The following ARHGEF7 variants were observed in gnomAD, a reference collection of about 807,000 sequenced individuals.
ARHGEF7 encodes PAK-interacting exchange factor beta.
A neutral mutation model predicts 109.8 loss-of-function variants in ARHGEF7; 33 were observed. That is an observed-to-expected ratio of 0.30 (90% CI 0.23 to 0.40). The LOEUF (loss-of-function observed/expected upper bound fraction) is 0.40. ARHGEF7 is among the 10% of genes least tolerant of loss of function. The pLI, the probability that ARHGEF7 is intolerant of heterozygous loss-of-function variation, is 1.00. For synonymous variants in ARHGEF7, 458 were observed against 424.6 expected, an observed-to-expected ratio of 1.08 and a Z score of -0.97; for missense variants, 938 against 1,098.5, an observed-to-expected ratio of 0.85 and a Z score of 2.07.
intron 6 of ARHGEF7, among the ~76,000 whole-genome samples, chr13:111,235,425 G>A (rs1043839079): frequency 6.6e-6 from 1 of 152,118 alleles, no homozygotes; most frequent in South Asian, 2.1e-4. Context: ...AATAGCCTGG[G>A]TATTATAAGT....
rs1209231762 is a variant in ARHGEF7 at position 111,115,553 on chromosome 13, G to A, written c.27G>A (p.Thr9=). The change falls in exon 1 of 22, where the codon ACG becomes ACA. Residue 9 remains threonine (T), a synonymous_variant. Transcript: ENST00000646102. MNSAEQTV[T]WLITLGVLES... is the part of the protein sequence containing the mutation. ...TGAATTCCGCCGAGCAAACCGTTAC[G>A]TGGCTCATCACTCTGGGGGTGCTGG... 2 of 1,402,974 alleles carry A rather than the reference G, an allele frequency of 1.4e-6. No individual in the cohort carries two copies. Among genetic ancestry groups the A allele is most frequent in the African/African-American group, 1.5e-5 (1 of 66,286 alleles). 86.9% of individuals were successfully genotyped at this position (1,402,974 alleles called of 1,614,324 possible). A position where few individuals can be genotyped will look rare whatever the true frequency, so the allele number is the denominator to read the frequency against.
At chr13:111,182,643 C>G (rs1014288715) in intron 2 of ARHGEF7, 19 of 152,274 alleles carry the variant, frequency 1.2e-4, no homozygotes, top group African/African-American at 4.6e-4. Context: ...CTCCCACCTT[C>G]CATCTCAGCG....
At chr13:111,295,158 G>T (rs1595608941) in intron 19 of ARHGEF7, 1 of 985,716 alleles carries the variant, frequency 1.0e-6, no homozygotes, top group African/African-American at 1.7e-5. Context: ...AAAAAAACCT[G>T]TTATGTACAG....
intron 1 of ARHGEF7, among the ~76,000 whole-genome samples, chr13:111,152,314 C>T (rs2075933832): frequency 6.6e-6 from 1 of 152,056 alleles, no homozygotes; most frequent in Non-Finnish European, 1.5e-5. Context: ...ATCAGAATGT[C>T]AGAAATTACA....
In ARHGEF7 at chr13:111,217,895, C is replaced by G. The variant is rs370423370; in HGVS notation, c.670+15C>G. 53 of 1,599,266 alleles carry G rather than the reference C, an allele frequency of 3.3e-5. No individual in the cohort carries two copies. Among genetic ancestry groups the G allele is most frequent in the Non-Finnish European group, 4.4e-5 (51 of 1,169,950 alleles). On this transcript the variant is annotated intron_variant, in intron 5 of 21. Transcript: ENST00000646102. ...CAAGGCCAGCGGTAAGTGGCCGAGCCTGGGCTGTGTGTGGCTTTTTGCGAT... is the reference window on the plus strand; with the variant it reads ...CAAGGCCAGCGGTAAGTGGCCGAGCGTGGGCTGTGTGTGGCTTTTTGCGAT...
chr13:111,222,236 T>C (rs919160962), intron 5 of ARHGEF7, among the ~76,000 whole-genome samples: 5 of 152,162 alleles, frequency 3.3e-5, no homozygotes, highest in African/African-American at 1.2e-4. Context: ...TAAGTAACTT[T>C]GGAAAATTTC....
At chr13:111,178,551 G>A (rs1331495163) in intron 2 of ARHGEF7, among the ~76,000 whole-genome samples, 2 of 152,210 alleles carry the variant, frequency 1.3e-5, no homozygotes, top group Admixed American at 1.3e-4. Flanking sequence ...GGGATTCTGA[G>A]TATGCGAGTG....
At chr13:111,123,356 A>T (rs992927946) in intron 1 of ARHGEF7, among the ~76,000 whole-genome samples, 2 of 152,158 alleles carry the variant, frequency 1.3e-5, no homozygotes, top group Non-Finnish European at 2.9e-5. Flanking sequence ...TCAAACATTG[A>T]AGAGAGCCCA....
At chr13:111,195,685 T>C (rs1338933578) in intron 2 of ARHGEF7, among the ~76,000 whole-genome samples, 1 of 152,172 alleles carries the variant, frequency 6.6e-6, no homozygotes, top group Non-Finnish European at 1.5e-5. Flanking sequence ...TCTGGGGCAG[T>C]GCGCCTTCCA....
chr13:111,275,538 T>C lies in ARHGEF7; in HGVS notation c.1279T>C (p.Cys427Arg). Residue 427 changes from cysteine (C) to arginine (R), a missense_variant, in exon 12 of 22, where the codon TGT (cysteine) becomes CGT (arginine). Transcript: ENST00000646102. The part of the protein sequence containing the change: ...MAAFKNLSAQ[C>R]QEVRKRKELE... ...GTTGTTCTGTGTCTGTCAGGCCCAA[T>C]GTCAAGAAGTCCGGAAGAGGAAAGA... The C allele has an allele frequency of 6.2e-7, 1 of 1,613,846 alleles. No individual in the cohort carries two copies. Among genetic ancestry groups the C allele is most frequent in the Admixed American group, 1.7e-5 (1 of 60,018 alleles).
At chr13:111,292,904 C>T (rs545645225) in intron 19 of ARHGEF7, 40 of 987,406 alleles carry the variant, frequency 4.1e-5, no homozygotes, top group Non-Finnish European at 4.6e-5. Flanking sequence ...GGTGCACAGA[C>T]GGGCGGGCGT....
chr13:111,262,759 C>G (rs879353144), intron 8 of ARHGEF7, among the ~76,000 whole-genome samples: 13 of 152,244 alleles, frequency 8.5e-5, no homozygotes, highest in Non-Finnish European at 1.3e-4. Flanking sequence ...TACCCCCTTT[C>G]ACCTTGTGCT....
In ARHGEF7 at chr13:111,140,168, T is replaced by C. The variant is rs113562580; in HGVS notation, c.166-13737T>C. Among the ~76,000 whole-genome samples, 668 of 152,292 alleles carry C rather than the reference T, an allele frequency of 4.4e-3. 8 individuals carry two copies. Among genetic ancestry groups the C allele is most frequent in the African/African-American group, 0.015 (625 of 41,564 alleles). Reference sequence around the variant, plus strand: ...TTCGTTCATTAATTCACAAATAATATACCAAGTGCCTGTCTGTATATGCCA... The same window carrying C: ...TTCGTTCATTAATTCACAAATAATACACCAAGTGCCTGTCTGTATATGCCA... On this transcript the variant is annotated intron_variant, in intron 1 of 21. Coordinates refer to ENST00000646102, the MANE Select transcript of ARHGEF7 (RefSeq NM_001354046.2).
chr13:111,211,322 CATAAG>C (rs2082461007), intron 4 of ARHGEF7, among the ~76,000 whole-genome samples: 1 of 152,164 alleles, frequency 6.6e-6, no homozygotes, highest in Non-Finnish European at 1.5e-5. Flanking sequence ...ATGAGGAAAA[CATAAG>C]AGAAATCAGC....
intron 1 of ARHGEF7, among the ~76,000 whole-genome samples, chr13:111,136,828 C>G (rs1314859838): frequency 6.6e-6 from 1 of 152,028 alleles, no homozygotes; most frequent in Non-Finnish European, 1.5e-5. Flanking sequence ...AAAAGATCAA[C>G]AAAATTGATG....
chr13:111,259,918 T>C (rs1355345863), intron 8 of ARHGEF7, among the ~76,000 whole-genome samples: 1 of 151,740 alleles, frequency 6.6e-6, no homozygotes, highest in Non-Finnish European at 1.5e-5. Flanking sequence ...TTTAAAGAGA[T>C]TGAAATATGA....
Position 111,274,741 on chromosome 13 carries a change from C to T in ARHGEF7, c.1223C>T (p.Thr408Ile). The T allele has an allele frequency of 6.7e-7, 1 of 1,490,540 alleles. No individual in the cohort carries two copies. The highest frequency in any genetic ancestry group is 8.9e-7 in the Non-Finnish European group (1 of 1,118,540). The allele number at this position is 1,490,540 out of a possible 1,614,324, so 92.3% of individuals were successfully genotyped here. A position where few individuals can be genotyped will look rare whatever the true frequency, so the allele number is the denominator to read the frequency against. The change falls in exon 11 of 22, where the codon ACA becomes ATA. Residue 408 changes from threonine (T) to isoleucine (I), a missense_variant. Transcript: ENST00000646102. ...ELERHMEDYH[T>I]DRQDIQKSMA... ...TTCTTTTACTCAAAGGATTATCATA[C>T]AGATAGACAAGATATTCAAAAATCC...
Position 111,268,650 on chromosome 13 carries a change from A to G in ARHGEF7, c.1073+980A>G, listed in dbSNP as rs368702373. Among the ~76,000 whole-genome samples the G allele has an allele frequency of 4.6e-5, 7 of 152,014 alleles. No individual in the cohort carries two copies. The South Asian group carries it at 8.3e-4, about 18-fold the overall frequency. On this transcript the variant is annotated intron_variant, in intron 9 of 21. Transcript: ENST00000646102. Reference sequence around the variant, plus strand: ...CAGCTCAGACATGGCAGCAGGGTGGACTCGGCTCTGGCTGTGGCTGCTCCC... The same window carrying G: ...CAGCTCAGACATGGCAGCAGGGTGGGCTCGGCTCTGGCTGTGGCTGCTCCC...
rs182057803 is a variant in ARHGEF7, at chr13:111,268,990, A to G, written c.1073+1320A>G. Among the ~76,000 whole-genome samples the G allele has an allele frequency of 5.3e-5, 8 of 152,352 alleles. No homozygotes were observed. In the East Asian group the frequency reaches 1.5e-3, roughly 29 times the overall value. On this transcript the variant is annotated intron_variant, in intron 9 of 21. Coordinates refer to ENST00000646102, the MANE Select transcript of ARHGEF7 (RefSeq NM_001354046.2). ...ATCTGCAGCCCTGAAAGGAAACAGC[A>G]GCCTTGAACAATGTAGTGAAAGGAA... is the stretch of plus-strand genomic sequence containing the variant.
Sources: allele counts gnomAD v4.1 joint callset (sites outside exome capture counted in the v4.1 genomes callset), GRCh38; gene constraint gnomAD v4.1.1; transcripts MANE v1.5; gene names NCBI Gene and HGNC (gene_info 2026-07-23, HGNC 2026-07-21).